The following HEBP2 variants were observed in gnomAD, a reference collection of about 807,000 sequenced individuals.
The protein encoded by HEBP2 is heme-binding protein 2.
HEBP2 carries 27 observed loss-of-function variants against 23.1 expected under a neutral mutation model. The observed-to-expected ratio is 1.17, with a 90% confidence interval of 0.86 to 1.61. HEBP2 has a LOEUF of 1.61. Among genes scored for constraint, HEBP2 ranks in the 40% most tolerant of loss-of-function variants. The pLI is 0.00. For missense variants in HEBP2, 245 were observed against 253.8 expected (o/e 0.97, Z 0.24); for synonymous variants, 99 against 95.1 (o/e 1.04, Z -0.24).
chr6:138,410,675 G>A (rs1301605707), intron 3 of HEBP2, among the ~76,000 whole-genome samples: 2 of 151,952 alleles, frequency 1.3e-5, no homozygotes, highest in African/African-American at 2.4e-5. Flanking sequence ...TAGTAGAGAC[G>A]GGGTTTCACC....
chr6:138,406,481 C>G (rs939990835), intron 3 of HEBP2, among the ~76,000 whole-genome samples: 4 of 152,136 alleles, frequency 2.6e-5, no homozygotes, highest in Admixed American at 6.5e-5. Flanking sequence ...GCTGTTGTAA[C>G]AAAATACCGT....
At chr6:138,406,829 C>T (rs902744178) in intron 3 of HEBP2, among the ~76,000 whole-genome samples, 2 of 152,064 alleles carry the variant, frequency 1.3e-5, no homozygotes, top group Non-Finnish European at 2.9e-5. Flanking sequence ...GAGTTAGAGA[C>T]CAGCCTGGGC....
At chr6:138,405,692 G>GA (rs1466606174) in intron 2 of HEBP2, among the ~76,000 whole-genome samples, 2 of 152,094 alleles carry the variant, frequency 1.3e-5, no homozygotes, top group Non-Finnish European at 2.9e-5. Flanking sequence ...TGAATGGTAA[G>GA]AAAAAATAAT....
chr6:138,408,639 G>A (rs1774690520), intron 3 of HEBP2, among the ~76,000 whole-genome samples: 1 of 152,146 alleles, frequency 6.6e-6, no homozygotes, highest in Non-Finnish European at 1.5e-5. Flanking sequence ...AGTCATGTGT[G>A]GACGAATCTG....
At chr6:138,409,678 C>G (rs1352139739) in intron 3 of HEBP2, among the ~76,000 whole-genome samples, 2 of 152,216 alleles carry the variant, frequency 1.3e-5, no homozygotes, top group Non-Finnish European at 2.9e-5. Flanking sequence ...TGACAAAAGC[C>G]CAAAATCTCC....
At chr6:138,411,701 T>G (rs1403862696) in intron 3 of HEBP2, among the ~76,000 whole-genome samples, 1 of 152,224 alleles carries the variant, frequency 6.6e-6, no homozygotes, top group Non-Finnish European at 1.5e-5. Context: ...CTTATGCCTA[T>G]AATCCCATTG....
chr6:138,420,189 A>G lies in HEBP2; in HGVS notation c.*7111A>G, dbSNP rs1774898125. 1 of 152,222 alleles carries G rather than the reference A, an allele frequency of 6.6e-6. No homozygotes were observed. The highest frequency in any genetic ancestry group is 1.5e-5 in the Non-Finnish European group (1 of 68,050). 9.4% of individuals were successfully genotyped at this position (152,222 alleles called of 1,614,324 possible). A position where few individuals can be genotyped will look rare whatever the true frequency, so the allele number is the denominator to read the frequency against. ...AATGAGAGCTTGGTTTATACTATCA[A>G]AAAAGCCACCAAGACCAGCAAAGAT... On this transcript the variant is annotated 3_prime_UTR_variant, in exon 4 of 4. Coordinates refer to ENST00000607197, the MANE Select transcript of HEBP2 (RefSeq NM_014320.3).
intron 3 of HEBP2, among the ~76,000 whole-genome samples, chr6:138,408,815 A>G (rs766386612): frequency 3.9e-5 from 6 of 152,006 alleles, no homozygotes; most frequent in Non-Finnish European, 2.9e-5. Context: ...TGGGCAATCC[A>G]TTCATATTGC....
In HEBP2 at chr6:138,405,228, C is replaced by T; in HGVS notation, c.186C>T (p.Ile62=). 6.2e-7 allele frequency: 1 copy of T among 1,614,160 alleles called. No individual in the cohort carries two copies. Among genetic ancestry groups the T allele is most frequent in the Non-Finnish European group, 8.5e-7 (1 of 1,180,006 alleles). ...SVESMDWDSA[I]QTGFTKLNSY... is the part of the protein sequence containing the mutation. ...AGTCTATGGACTGGGATTCAGCCAT[C>T]CAGACGGGCTTTACGAAACTGAACA... The change falls in exon 2 of 4, where the codon ATC becomes ATT. Residue 62 remains isoleucine (I), a synonymous_variant. Coordinates refer to ENST00000607197, the MANE Select transcript of HEBP2 (RefSeq NM_014320.3).
At position 138,416,942 on chromosome 6, in the gene HEBP2, A is replaced by G. The variant is rs926973889; in HGVS notation, c.*3864A>G. 4 of 152,172 alleles carry G rather than the reference A, an allele frequency of 2.6e-5. No individual in the cohort carries two copies. Among genetic ancestry groups the G allele is most frequent in the Admixed American group, 6.5e-5 (1 of 15,276 alleles). The allele number at this position is 152,172 out of a possible 1,614,324, so 9.4% of individuals were successfully genotyped here. Reference sequence around the variant, plus strand: ...GTATCCTAGGGGAAAGTTTCCTGCAACATTTCAGCAGGTGTACACAGTAAT... The same window carrying G: ...GTATCCTAGGGGAAAGTTTCCTGCAGCATTTCAGCAGGTGTACACAGTAAT... On this transcript the variant is annotated 3_prime_UTR_variant, in exon 4 of 4. Transcript: ENST00000607197.
chr6:138,413,276 C>T lies in HEBP2; in HGVS notation c.*198C>T, dbSNP rs1774783937. On this transcript the variant is annotated 3_prime_UTR_variant, in exon 4 of 4. Transcript: ENST00000607197. Reference sequence around the variant, plus strand: ...GTAACAGAGGACAGTAGTCTGTAAACATATAAATCGGTCATAACTATCGTG... The same window carrying T: ...GTAACAGAGGACAGTAGTCTGTAAATATATAAATCGGTCATAACTATCGTG... The T allele has an allele frequency of 9.4e-6, 5 of 532,070 alleles. No individual in the cohort carries two copies. The highest frequency in any genetic ancestry group is 1.0e-5 in the Non-Finnish European group (3 of 298,542). 33.0% of individuals were successfully genotyped at this position (532,070 alleles called of 1,614,324 possible).
At chr6:138,412,086 A>G in intron 3 of HEBP2, 1 of 448,930 alleles carries the variant, frequency 2.2e-6, no homozygotes, top group South Asian at 1.6e-5. Context: ...TCCTTAGGAG[A>G]GGGAAAAAGG....
rs1405119353 is a variant in HEBP2 at position 138,404,494 on chromosome 6, C to G, written c.-2C>G. 3.1e-6 allele frequency: 4 copies of G among 1,284,390 alleles called. No homozygotes were observed. Among genetic ancestry groups the G allele is most frequent in the Non-Finnish European group, 3.9e-6 (4 of 1,016,758 alleles). The allele number at this position is 1,284,390 out of a possible 1,614,324, so 79.6% of individuals were successfully genotyped here. A position where few individuals can be genotyped will look rare whatever the true frequency, so the allele number is the denominator to read the frequency against. ...CAGGCTCCCAGAGCGTCAGCGCCGC[C>G]CATGGCCGAGCCGCTCCAGCCAGAC... On this transcript the variant is annotated 5_prime_UTR_variant, in exon 1 of 4. Coordinates refer to ENST00000607197, the MANE Select transcript of HEBP2 (RefSeq NM_014320.3).
Position 138,405,862 on chromosome 6 carries a change from A to G in HEBP2, c.239-109A>G, listed in dbSNP as rs113942398. 580 of 895,254 alleles carry G rather than the reference A, an allele frequency of 6.5e-4. 3 individuals are homozygous for G. The highest frequency in any genetic ancestry group is 6.4e-3 in the Middle Eastern group (18 of 2,832). 55.5% of individuals were successfully genotyped at this position (895,254 alleles called of 1,614,324 possible). A position where few individuals can be genotyped will look rare whatever the true frequency, so the allele number is the denominator to read the frequency against. ...AAGATGAAAATTATCTTAAAGGTAAATATGTCAACAATGTGAAGTAAATCA... is the reference window on the plus strand; with the variant it reads ...AAGATGAAAATTATCTTAAAGGTAAGTATGTCAACAATGTGAAGTAAATCA... On this transcript the variant is annotated intron_variant, in intron 2 of 3. Transcript: ENST00000607197.
At chr6:138,407,415 G>A (rs1160536517) in intron 3 of HEBP2, among the ~76,000 whole-genome samples, 3 of 152,202 alleles carry the variant, frequency 2.0e-5, no homozygotes, top group Non-Finnish European at 4.4e-5. Context: ...AATTTTCTTT[G>A]ACTCAAAGCT....
chr6:138,412,417 G>C (rs1774762445), intron 3 of HEBP2, among the ~76,000 whole-genome samples: 1 of 152,158 alleles, frequency 6.6e-6, no homozygotes. Context: ...TCACAGGCAG[G>C]AGTGGTCAGT....
At chr6:138,408,767 T>C (rs141479600) in intron 3 of HEBP2, among the ~76,000 whole-genome samples, 462 of 152,344 alleles carry the variant, frequency 3.0e-3, no homozygotes, top group African/African-American at 0.01. Flanking sequence ...TCACTGTCGA[T>C]GCCTGTTTTA....
At chr6:138,404,623 G>T in intron 1 of HEBP2, 26 bp downstream of exon 1, 1 of 1,246,522 alleles carries the variant, frequency 8.0e-7, no homozygotes, top group Non-Finnish European at 1.0e-6. Flanking sequence ...GGAGCGGAGG[G>T]GCTGGGCCCG....
chr6:138,411,557 C>T (rs1774745106), intron 3 of HEBP2, among the ~76,000 whole-genome samples: 2 of 152,174 alleles, frequency 1.3e-5, no homozygotes, highest in Non-Finnish European at 1.5e-5. Flanking sequence ...TTTCTTTGTT[C>T]AGCAAAACCA....
Sources: gnomAD v4.1 joint callset for allele counts (sites outside exome capture counted in the v4.1 genomes callset) on GRCh38, gnomAD v4.1.1 for gene constraint, MANE v1.5 for transcripts, NCBI Gene and HGNC (gene_info 2026-07-23, HGNC 2026-07-21) for gene names.